Variants in HPSE2 observed in about 807,000 individuals in gnomAD.
HPSE2 encodes inactive heparanase-2.
A neutral mutation model predicts 60.5 loss-of-function variants in HPSE2; 38 were observed. That is an observed-to-expected ratio of 0.63 (90% CI 0.48 to 0.82). The LOEUF is 0.82. Ranked by LOEUF, HPSE2 falls within the 40% of genes least tolerant of loss-of-function variation. The pLI is 0.00. For missense variants in HPSE2, 713 were observed against 740.4 expected (o/e 0.96, Z 0.43); for synonymous variants, 295 against 293.2 (o/e 1.01, Z -0.06).
chr10:98,681,488 A>G (rs510400), intron 6 of HPSE2, among the ~76,000 whole-genome samples: 144,012 of 152,270 alleles, frequency 0.95, 68,597 homozygotes, highest in East Asian at 1. Flanking sequence ...TACAAGACCA[A>G]TGGAATTTGA....
chr10:98,763,996 C>T (rs936601846), intron 3 of HPSE2, among the ~76,000 whole-genome samples: 32 of 152,202 alleles, frequency 2.1e-4, no homozygotes, highest in African/African-American at 7.2e-4. Context: ...AATCACAACA[C>T]TGTCTGAAGG....
At chr10:98,601,001 TA>T (rs1367900191) in intron 9 of HPSE2, among the ~76,000 whole-genome samples, 16 of 148,706 alleles carry the variant, frequency 1.1e-4, no homozygotes, top group African/African-American at 3.7e-4. Flanking sequence ...TGATTTTAAG[TA>T]ACTGGCTCAG....
chr10:99,076,603 G>A (rs1213329678), intron 3 of HPSE2, among the ~76,000 whole-genome samples: 2 of 152,088 alleles, frequency 1.3e-5, no homozygotes, highest in Non-Finnish European at 2.9e-5. Context: ...GGTCAGGCTG[G>A]TCTTGAATTC....
chr10:99,004,926 T>C (rs1956857717), intron 3 of HPSE2, among the ~76,000 whole-genome samples: 1 of 152,170 alleles, frequency 6.6e-6, no homozygotes, highest in Non-Finnish European at 1.5e-5. Flanking sequence ...GTACTCTTGG[T>C]TGGCAGGGTT....
At chr10:98,547,694 T>C (rs945786895) in intron 9 of HPSE2, among the ~76,000 whole-genome samples, 1 of 148,990 alleles carries the variant, frequency 6.7e-6, no homozygotes, top group African/African-American at 2.5e-5. Flanking sequence ...TTAGGTGATA[T>C]ACCTAATGCT....
At chr10:98,923,528 A>T (rs931303122) in intron 3 of HPSE2, among the ~76,000 whole-genome samples, 1 of 152,078 alleles carries the variant, frequency 6.6e-6, no homozygotes, top group African/African-American at 2.4e-5. Flanking sequence ...AATAACTCTT[A>T]GATTTGTCCT....
At chr10:98,576,977 G>A (rs185793761) in intron 9 of HPSE2, among the ~76,000 whole-genome samples, 5 of 151,722 alleles carry the variant, frequency 3.3e-5, no homozygotes, top group Admixed American at 2.6e-4. Context: ...TTTCTGGTAC[G>A]AACGATGAGG....
At chr10:98,730,678 C>A (rs1185176401) in intron 4 of HPSE2, among the ~76,000 whole-genome samples, 2 of 151,740 alleles carry the variant, frequency 1.3e-5, no homozygotes, top group African/African-American at 4.8e-5. Context: ...CTATGAAAAT[C>A]TTTGTGCCAA....
chr10:98,913,277 A>G (rs1241493244), intron 3 of HPSE2, among the ~76,000 whole-genome samples: 2 of 152,184 alleles, frequency 1.3e-5, no homozygotes, highest in Non-Finnish European at 2.9e-5. Context: ...GTAGCCAATA[A>G]AGAAGTCCCG....
chr10:99,174,401 C>G (rs1847441977), intron 2 of HPSE2, among the ~76,000 whole-genome samples: 1 of 152,212 alleles, frequency 6.6e-6, no homozygotes, highest in South Asian at 2.1e-4. Context: ...GCTTCTATAG[C>G]TCCTATCATA....
chr10:99,245,535 C>T, the HPSE2 span, among the ~76,000 whole-genome samples: 1 of 152,224 alleles, frequency 6.6e-6, no homozygotes. Context: ...ACCATACATC[C>T]TACTAGCTTT....
chr10:99,228,013 A>C (rs1849530546), intron 2 of HPSE2, among the ~76,000 whole-genome samples: 3 of 151,902 alleles, frequency 2.0e-5, no homozygotes, highest in Admixed American at 6.6e-5. Flanking sequence ...TCACTGTGGA[A>C]TGACCTGTTC....
intron 5 of HPSE2, among the ~76,000 whole-genome samples, chr10:98,702,966 C>A (rs986958106): frequency 3.3e-5 from 5 of 151,800 alleles, no homozygotes; most frequent in Admixed American, 2.6e-4. Context: ...GCATGAAAAA[C>A]CCTTCAAGAA....
chr10:98,980,631 T>A (rs1956184237), intron 3 of HPSE2, among the ~76,000 whole-genome samples: 1 of 152,212 alleles, frequency 6.6e-6, no homozygotes, highest in Non-Finnish European at 1.5e-5. Flanking sequence ...TGGGATTGAC[T>A]GATACACAGC....
At chr10:99,244,727 A>G in the HPSE2 span, among the ~76,000 whole-genome samples, 1 of 151,890 alleles carries the variant, frequency 6.6e-6, no homozygotes, top group East Asian at 1.9e-4. Context: ...TAATATGTTT[A>G]GTTCATTATA....
chr10:98,475,191 C>T (rs1466192884), intron 11 of HPSE2, among the ~76,000 whole-genome samples: 1 of 151,002 alleles, frequency 6.6e-6, no homozygotes, highest in Non-Finnish European at 1.5e-5. Context: ...GGTCTCAGCT[C>T]ACTGCAACCT....
At chr10:98,909,352 C>T (rs1228240471) in intron 3 of HPSE2, among the ~76,000 whole-genome samples, 6 of 149,306 alleles carry the variant, frequency 4.0e-5, no homozygotes, top group Admixed American at 1.3e-4. Flanking sequence ...TTTTTTTGGC[C>T]GGATACAGTG....
chr10:98,532,153 G>A (rs969270597), intron 9 of HPSE2, among the ~76,000 whole-genome samples: 5 of 152,118 alleles, frequency 3.3e-5, no homozygotes, highest in Admixed American at 6.5e-5. Context: ...CTAATCTATC[G>A]CTAGGGCTGA....
intron 3 of HPSE2, among the ~76,000 whole-genome samples, chr10:98,844,178 C>T (rs554464687): frequency 2.5e-4 from 38 of 152,294 alleles, no homozygotes; most frequent in African/African-American, 8.9e-4. Context: ...TCTCTGAGGT[C>T]TCTTCCAGCT....
Sources: allele counts gnomAD v4.1 joint callset (sites outside exome capture counted in the v4.1 genomes callset), GRCh38; gene constraint gnomAD v4.1.1; transcripts MANE v1.5; gene names NCBI Gene and HGNC (gene_info 2026-07-23, HGNC 2026-07-21).